FAM76A: variants seen among roughly 807,000 people sequenced by gnomAD.
FAM76A encodes the protein family with sequence similarity 76 member A, also known as protein FAM76A.
FAM76A carries 32 observed loss-of-function variants against 46.2 expected under a neutral mutation model. The observed-to-expected ratio is 0.69, with a 90% CI of 0.52 to 0.93. The LOEUF (loss-of-function observed/expected upper bound fraction) is 0.93, where lower values mean the gene tolerates loss of function less well. Ranked by LOEUF, FAM76A falls within the 40% of genes least tolerant of loss-of-function variation. The pLI is 0.00. For missense variants in FAM76A, 274 were observed against 361.5 expected (o/e 0.76, Z 1.96); for synonymous variants, 137 against 127.0 (o/e 1.08, Z -0.53).
chr1:27,756,952 G>C (rs572976863), intron 7 of FAM76A, among the ~76,000 whole-genome samples: 1 of 151,794 alleles, frequency 6.6e-6, no homozygotes, highest in East Asian at 2.0e-4. Context: ...CCAGCTACTT[G>C]GGAGGCTAAG....
chr1:27,751,909 T>C (rs2088339235), intron 6 of FAM76A, among the ~76,000 whole-genome samples: 1 of 151,996 alleles, frequency 6.6e-6, no homozygotes. Flanking sequence ...ACTCAAACGA[T>C]CCTCCCACCC....
chr1:27,755,300 G>C lies in FAM76A; in HGVS notation c.705G>C (p.Lys235Asn). ...VATLKKMLHQ[K>N]DQMILEKEKK... The stretch of plus-strand genomic sequence containing the variant: ...CCCTGAAGAAGATGTTGCATCAAAA[G>C]GATCAAATGATTTTAGAGAAAGAGA... Residue 235 changes from lysine (K) to asparagine (N), a missense_variant, in exon 7 of 9, where the codon AAG (lysine) becomes AAC (asparagine). By Grantham distance (94) the Lys-to-Asn change is moderately conservative. Transcript: ENST00000373954. 6.2e-7 allele frequency: 1 copy of C among 1,614,134 alleles called. No individual in the cohort carries two copies. The highest frequency in any genetic ancestry group is 8.5e-7 in the Non-Finnish European group (1 of 1,180,028).
Position 27,761,364 on chromosome 1 carries a change from C to G in FAM76A, c.*783C>G, listed in dbSNP as rs2088507935. 6.6e-6 allele frequency: 1 copy of G among 152,418 alleles called. No homozygotes were observed. The highest frequency in any genetic ancestry group is 2.1e-4 in the South Asian group (1 of 4,818). 9.4% of individuals were successfully genotyped at this position (152,418 alleles called of 1,614,324 possible). Reference sequence around the variant, plus strand: ...AACTGATTGCTAAGGTGAAACAATTCAATGCATAAGTATGGAGCTAAGTGC... The same window carrying G: ...AACTGATTGCTAAGGTGAAACAATTGAATGCATAAGTATGGAGCTAAGTGC... On this transcript the variant is annotated 3_prime_UTR_variant, in exon 9 of 9. Transcript: ENST00000373954.
chr1:27,728,092 C>T (rs2087892342), intron 2 of FAM76A, among the ~76,000 whole-genome samples: 1 of 152,092 alleles, frequency 6.6e-6, no homozygotes, highest in African/African-American at 2.4e-5. Context: ...AGGCGTGAGC[C>T]ACCACGCCCA....
At chr1:27,736,754 A>G (rs973657873) in intron 4 of FAM76A, among the ~76,000 whole-genome samples, 1 of 151,022 alleles carries the variant, frequency 6.6e-6, no homozygotes, top group Non-Finnish European at 1.5e-5. Context: ...CGCCTGGCTA[A>G]TTTTTTTATT....
intron 6 of FAM76A, among the ~76,000 whole-genome samples, chr1:27,749,837 C>T (rs1364736858): frequency 6.6e-6 from 1 of 152,208 alleles, no homozygotes; most frequent in Non-Finnish European, 1.5e-5. Context: ...CAGCCCAGTG[C>T]AGATTCTGGA....
At chr1:27,740,521 G>C in intron 4 of FAM76A, 1 of 1,380,624 alleles carries the variant, frequency 7.2e-7, no homozygotes. Flanking sequence ...GAGCTAACAT[G>C]ATTATGTCTG....
rs1242787881 is a variant in FAM76A, at chr1:27,726,063, G to T, written c.-18G>T. On this transcript the variant is annotated 5_prime_UTR_variant, in exon 1 of 9. Coordinates refer to ENST00000373954, the MANE Select transcript of FAM76A (RefSeq NM_152660.3). The stretch of plus-strand genomic sequence containing the variant: ...GCGGGCCGGGCCGGCGGGTCGGTGA[G>T]CGCGGCCCGGGCCGGACATGGCGGC... 1.4e-5 allele frequency: 17 copies of T among 1,251,400 alleles called. No homozygotes were observed. The East Asian group carries it at 5.4e-4, about 40-fold the overall frequency. 77.5% of individuals were successfully genotyped at this position (1,251,400 alleles called of 1,614,324 possible).
At chr1:27,737,035 C>T (rs537730222) in intron 4 of FAM76A, among the ~76,000 whole-genome samples, 1 of 152,172 alleles carries the variant, frequency 6.6e-6, no homozygotes, top group South Asian at 2.1e-4. Flanking sequence ...CCACAACCTC[C>T]ACCTCCTAGG....
intron 8 of FAM76A, 37 bp downstream of exon 8, chr1:27,759,664 G>A: frequency 5.9e-6 from 8 of 1,363,930 alleles, no homozygotes; most frequent in Non-Finnish European, 7.3e-6. Flanking sequence ...CTAAAATTGT[G>A]TACCTACCTG....
chr1:27,760,677 A>C lies in FAM76A; in HGVS notation c.*96A>C. On this transcript the variant is annotated 3_prime_UTR_variant, in exon 9 of 9. Coordinates refer to ENST00000373954, the MANE Select transcript of FAM76A (RefSeq NM_152660.3). Reference sequence around the variant, plus strand: ...TCTGTGGGAATTGCAAGCTTTCTTAAGAAATCTCTATTTTATTACAGTTAT... The same window carrying C: ...TCTGTGGGAATTGCAAGCTTTCTTACGAAATCTCTATTTTATTACAGTTAT... 1 of 781,324 alleles carries C rather than the reference A, an allele frequency of 1.3e-6. No homozygotes were observed. Among genetic ancestry groups the C allele is most frequent in the Non-Finnish European group, 2.0e-6 (1 of 492,298 alleles). The allele number at this position is 781,324 out of a possible 1,614,324, so 48.4% of individuals were successfully genotyped here.
At chr1:27,730,171 T>G (rs1258061564) in intron 2 of FAM76A, 1 of 204,168 alleles carries the variant, frequency 4.9e-6, no homozygotes, top group Non-Finnish European at 9.9e-6. Context: ...TTTTCTTTTC[T>G]TTTTCTTTTC....
chr1:27,756,449 C>G (rs937856083), intron 7 of FAM76A, among the ~76,000 whole-genome samples: 1 of 151,936 alleles, frequency 6.6e-6, no homozygotes, highest in Non-Finnish European at 1.5e-5. Context: ...TGCCACCATG[C>G]CTGGCTAATT....
At chr1:27,738,319 G>A (rs1252165308) in intron 4 of FAM76A, among the ~76,000 whole-genome samples, 6 of 151,912 alleles carry the variant, frequency 3.9e-5, no homozygotes, top group South Asian at 2.1e-4. Context: ...GTGAAACCCC[G>A]TCTCTACTAA....
At chr1:27,742,845 G>A (rs2088177851) in intron 4 of FAM76A, among the ~76,000 whole-genome samples, 1 of 152,112 alleles carries the variant, frequency 6.6e-6, no homozygotes, top group Admixed American at 6.5e-5. Flanking sequence ...CAGATCACGA[G>A]GTCAGGAGTT....
intron 2 of FAM76A, among the ~76,000 whole-genome samples, chr1:27,727,913 T>G (rs963246717): frequency 6.6e-6 from 1 of 151,400 alleles, no homozygotes; most frequent in Non-Finnish European, 1.5e-5. Flanking sequence ...GTTCAAGCGA[T>G]TCTTATGCCT....
At chr1:27,735,862 T>C (rs2088035299) in intron 4 of FAM76A, among the ~76,000 whole-genome samples, 1 of 152,200 alleles carries the variant, frequency 6.6e-6, no homozygotes, top group African/African-American at 2.4e-5. Flanking sequence ...AGTAAATGGC[T>C]CCTGTATTAT....
chr1:27,743,083 T>G (rs2088182175), intron 4 of FAM76A, among the ~76,000 whole-genome samples: 1 of 151,920 alleles, frequency 6.6e-6, no homozygotes, highest in Admixed American at 6.6e-5. Context: ...CAAACAAAAA[T>G]TATATGAGGT....
intron 2 of FAM76A, among the ~76,000 whole-genome samples, chr1:27,728,724 G>A (rs2087904385): frequency 6.6e-6 from 1 of 152,182 alleles, no homozygotes; most frequent in African/African-American, 2.4e-5. Context: ...CACTTTGGGA[G>A]GCTGAGGCAG....
Sources: allele counts gnomAD v4.1 joint callset (sites outside exome capture counted in the v4.1 genomes callset), GRCh38; gene constraint gnomAD v4.1.1; transcripts MANE v1.5; gene names NCBI Gene and HGNC (gene_info 2026-07-23, HGNC 2026-07-21).